CSMD1: variants seen among roughly 807,000 people sequenced by gnomAD.
CSMD1 encodes the protein CUB and Sushi multiple domains 1.
CSMD1 carries 213 observed loss-of-function variants against 417.5 expected under a neutral mutation model. That is an observed-to-expected ratio of 0.51 (90% CI 0.46 to 0.57). The LOEUF (loss-of-function observed/expected upper bound fraction) is 0.57. CSMD1 is among the 20% of genes least tolerant of loss of function. The pLI is 0.00. For synonymous variants in CSMD1, 2,862 were observed against 1,736.8 expected, an observed-to-expected ratio of 1.65 and a Z score of -16.11; for missense variants, 6,923 against 4,529.7, an observed-to-expected ratio of 1.53 and a Z score of -15.17.
intron 1 of CSMD1, among the ~76,000 whole-genome samples, chr8:4,730,509 G>C (rs1321019489): frequency 1.3e-5 from 2 of 152,146 alleles, no homozygotes; most frequent in Non-Finnish European, 2.9e-5. Context: ...GGGAGGCTGA[G>C]GCAGGCGGAT....
chr8:4,009,592 A>C (rs192595244), intron 4 of CSMD1, among the ~76,000 whole-genome samples: 2 of 152,312 alleles, frequency 1.3e-5, no homozygotes, highest in African/African-American at 4.8e-5. Flanking sequence ...TTCCAACTCA[A>C]TTTTTACAAT....
chr8:4,843,866 T>C (rs1800980449), intron 1 of CSMD1, among the ~76,000 whole-genome samples: 1 of 152,096 alleles, frequency 6.6e-6, no homozygotes, highest in Non-Finnish European at 1.5e-5. Context: ...CAACCGCAAT[T>C]TAACAAAGCC....
At chr8:4,036,634 G>GA (rs968027179) in intron 3 of CSMD1, among the ~76,000 whole-genome samples, 17 of 152,292 alleles carry the variant, frequency 1.1e-4, no homozygotes, top group Admixed American at 4.6e-4. Context: ...GGATGTCAAA[G>GA]AAAAAACTAG....
At chr8:3,815,248 G>A (rs1801307671) in intron 5 of CSMD1, among the ~76,000 whole-genome samples, 1 of 152,112 alleles carries the variant, frequency 6.6e-6, no homozygotes, top group Non-Finnish European at 1.5e-5. Context: ...TATGATTTGG[G>A]TAAAGTGTCT....
chr8:4,734,835 T>C (rs1810125595), intron 1 of CSMD1, among the ~76,000 whole-genome samples: 1 of 152,186 alleles, frequency 6.6e-6, no homozygotes, highest in South Asian at 2.1e-4. Context: ...CTTGGCTCTG[T>C]GGACTGAACT....
At chr8:2,965,997 C>A (rs1391545919) in intron 58 of CSMD1, 43 bp from the exon 59 acceptor site, 1 of 1,493,088 alleles carries the variant, frequency 6.7e-7, no homozygotes. Flanking sequence ...AATTCATTTA[C>A]CATGAAATGA....
intron 1 of CSMD1, among the ~76,000 whole-genome samples, chr8:4,677,388 T>C (rs1001305093): frequency 4.6e-5 from 7 of 152,062 alleles, no homozygotes; most frequent in Non-Finnish European, 1.0e-4. Context: ...AGTTTCAACA[T>C]AAGGCATTTG....
At chr8:3,306,701 G>C (rs563546212) in intron 25 of CSMD1, among the ~76,000 whole-genome samples, 18 of 152,140 alleles carry the variant, frequency 1.2e-4, no homozygotes, top group Non-Finnish European at 2.2e-4. Context: ...TTTTAAAAAG[G>C]ATTGGTTAGG....
chr8:4,029,331 G>T, intron 4 of CSMD1, among the ~76,000 whole-genome samples: 1 of 152,208 alleles, frequency 6.6e-6, no homozygotes, highest in East Asian at 1.9e-4. Context: ...CCCAAGAATG[G>T]GCAATTTACA....
intron 7 of CSMD1, among the ~76,000 whole-genome samples, chr8:3,701,392 G>GT (rs1800857507): frequency 6.6e-6 from 1 of 152,134 alleles, no homozygotes; most frequent in African/African-American, 2.4e-5. Flanking sequence ...ATCCCAGAGA[G>GT]AGAACAGTTG....
At chr8:4,688,713 C>T (rs1563145738) in intron 1 of CSMD1, among the ~76,000 whole-genome samples, 1 of 152,110 alleles carries the variant, frequency 6.6e-6, no homozygotes, top group South Asian at 2.1e-4. Context: ...TAGCACTCCA[C>T]AAATGTCATC....
chr8:3,111,451 G>C (rs1049800252), intron 42 of CSMD1, among the ~76,000 whole-genome samples: 4 of 152,140 alleles, frequency 2.6e-5, no homozygotes, highest in Non-Finnish European at 5.9e-5. Context: ...TTGTAAGCTG[G>C]AGAAGCAAAT....
intron 3 of CSMD1, among the ~76,000 whole-genome samples, chr8:4,148,119 G>A (rs1056451397): frequency 8.5e-5 from 13 of 152,098 alleles, no homozygotes; most frequent in Admixed American, 5.2e-4. Context: ...TTTGATGCGC[G>A]TGACATGCTC....
chr8:4,569,079 G>C (rs1798758434), intron 2 of CSMD1, among the ~76,000 whole-genome samples: 1 of 151,646 alleles, frequency 6.6e-6, no homozygotes, highest in Non-Finnish European at 1.5e-5. Flanking sequence ...CCTGTTCACT[G>C]TTCACTGTTC....
intron 2 of CSMD1, among the ~76,000 whole-genome samples, chr8:4,455,359 A>C (rs1194496682): frequency 1.3e-5 from 2 of 152,190 alleles, no homozygotes; most frequent in African/African-American, 4.8e-5. Flanking sequence ...TGACACCCAG[A>C]AGCTGGAAAA....
At chr8:4,239,303 G>C (rs1802248788) in intron 3 of CSMD1, among the ~76,000 whole-genome samples, 1 of 152,190 alleles carries the variant, frequency 6.6e-6, no homozygotes, top group South Asian at 2.1e-4. Context: ...TTTTGTGTGG[G>C]CAACACCAGT....
At chr8:4,127,827 CTTATTA>C (rs1802856450) in intron 3 of CSMD1, among the ~76,000 whole-genome samples, 1 of 152,074 alleles carries the variant, frequency 6.6e-6, no homozygotes, top group African/African-American at 2.4e-5. Flanking sequence ...ATTTATCATT[CTTATTA>C]TTATTGTTAC....
At chr8:4,221,089 T>C (rs1801003792) in intron 3 of CSMD1, among the ~76,000 whole-genome samples, 1 of 152,074 alleles carries the variant, frequency 6.6e-6, no homozygotes, top group South Asian at 2.1e-4. Flanking sequence ...ATCACTTCAT[T>C]TAAACAAGAG....
chr8:3,275,640 T>C (rs1347589459), intron 26 of CSMD1, among the ~76,000 whole-genome samples: 6 of 152,192 alleles, frequency 3.9e-5, no homozygotes, highest in Non-Finnish European at 7.3e-5. Flanking sequence ...TTTTATTCTT[T>C]TTTCTCTAAA....
Sources: gnomAD v4.1 joint callset for allele counts (sites outside exome capture counted in the v4.1 genomes callset) on GRCh38, gnomAD v4.1.1 for gene constraint, MANE v1.5 for transcripts, NCBI Gene and HGNC (gene_info 2026-07-23, HGNC 2026-07-21) for gene names.